SYCP2: variants seen among roughly 807,000 people sequenced by gnomAD.
SYCP2 encodes the protein synaptonemal complex protein 2, also known as synaptonemal complex lateral element protein.
Under a neutral mutation model 211.3 loss-of-function variants are expected in SYCP2, and 55 were observed. The observed-to-expected ratio is 0.26, with a 90% CI of 0.21 to 0.33. SYCP2 has a LOEUF of 0.33. Ranked by LOEUF, SYCP2 falls within the 10% of genes least tolerant of loss-of-function variation. The probability of loss-of-function intolerance (pLI) is 1.00; values close to 1 mark genes in which losing one functional copy is unlikely to be tolerated. For synonymous variants in SYCP2, 570 were observed against 555.2 expected (o/e 1.03, Z -0.37); for missense variants, 1,731 against 1,752.0 (o/e 0.99, Z 0.21).
chr20:59,917,522 C>T (rs1181383290), intron 7 of SYCP2, among the ~76,000 whole-genome samples: 1 of 152,146 alleles, frequency 6.6e-6, no homozygotes, highest in Admixed American at 6.5e-5. Flanking sequence ...GATCACTTTA[C>T]AATTGCTGGT....
intron 30 of SYCP2, among the ~76,000 whole-genome samples, 190 bp from the exon 31 acceptor site, chr20:59,880,661 C>A (rs545292228): frequency 6.6e-6 from 1 of 151,582 alleles, no homozygotes; most frequent in South Asian, 2.1e-4. Context: ...CTTGGAAAAC[C>A]AGATCAGATA....
At chr20:59,899,973 A>T (rs2060083880) in intron 18 of SYCP2, 165 bp downstream of exon 18, 1 of 730,764 alleles carries the variant, frequency 1.4e-6, no homozygotes, top group Non-Finnish European at 2.3e-6. Context: ...GCTAAGACAC[A>T]CACTATCTTT....
intron 28 of SYCP2, 29 bp from the exon 29 acceptor site, chr20:59,881,521 G>A (rs757290672): frequency 1.8e-6 from 2 of 1,130,654 alleles, no homozygotes; most frequent in Non-Finnish European, 2.5e-6. Flanking sequence ...AAAAAAAAGA[G>A]GTGTCAGTGT....
chr20:59,880,315 T>G lies in SYCP2; in HGVS notation c.2929A>C (p.Ser977Arg). Reference sequence around the variant, plus strand: ...GATAATTTCTTACTTGATTTTCCACTTTTATGATTCTTCACATTTTTATTT... The same window carrying G: ...GATAATTTCTTACTTGATTTTCCACGTTTATGATTCTTCACATTTTTATTT... Reference protein sequence around the residue: ...SRNKNVKNHKSGKSRSSLEKG... With the variant: ...SRNKNVKNHKRGKSRSSLEKG... Residue 977 changes from serine to arginine, a missense_variant, in exon 31 of 45, where the codon AGT becomes CGT. Around this residue, in one of 3 missense-constraint regions of SYCP2, gnomAD observed 1,387 missense variants for 1,351.3 expected, o/e 1.03. Coordinates refer to ENST00000357552, the MANE Select transcript of SYCP2 (RefSeq NM_014258.4). The G allele has an allele frequency of 1.9e-6, 3 of 1,582,792 alleles. No homozygotes were observed. The highest frequency in any genetic ancestry group is 2.6e-6 in the Non-Finnish European group (3 of 1,162,678).
In SYCP2 at chr20:59,866,675, G is replaced by A. The variant is rs143035060; in HGVS notation, c.4126-86C>T. 120 of 879,908 alleles carry A rather than the reference G, an allele frequency of 1.4e-4. No individual in the cohort carries two copies. In the Middle Eastern group the frequency reaches 1.7e-3, roughly 13 times the overall value. The allele number at this position is 879,908 out of a possible 1,614,324, so 54.5% of individuals were successfully genotyped here. A position where few individuals can be genotyped will look rare whatever the true frequency, so the allele number is the denominator to read the frequency against. ...ACAGTAACAGCAAATAATTTTCCAC[G>A]AAATGTAAATTACTAAGAAGAACTT... On this transcript the variant is annotated intron_variant, in intron 39 of 44. Transcript: ENST00000357552.
intron 14 of SYCP2, among the ~76,000 whole-genome samples, chr20:59,909,222 C>T (rs2060270850): frequency 6.6e-6 from 1 of 152,112 alleles, no homozygotes; most frequent in Non-Finnish European, 1.5e-5. Context: ...TCATTAAAAC[C>T]CATGGTTCTG....
In SYCP2 at chr20:59,919,559, C is replaced by T. The variant is rs958139813; in HGVS notation, c.336G>A (p.Gln112=). The part of the protein sequence containing the change: ...AWFEKSKDII[Q]SQGNSKDEAV... ...CTTCATCTTTTGAATTTCCTTGACT[C>T]TGAATAATGTCCTTGGATTTTTCAA... Residue 112 remains glutamine, a synonymous_variant, in exon 6 of 45, where the codon CAG becomes CAA. Coordinates refer to ENST00000357552, the MANE Select transcript of SYCP2 (RefSeq NM_014258.4). 3.1e-6 allele frequency: 5 copies of T among 1,609,984 alleles called. No homozygotes were observed. In the African/African-American group the frequency reaches 6.7e-5, roughly 22 times the overall value.
chr20:59,878,262 G>T (rs60638165), intron 31 of SYCP2, among the ~76,000 whole-genome samples: 5,188 of 152,168 alleles, frequency 0.034, 257 homozygotes, highest in African/African-American at 0.11. Context: ...TTCTGCTGAA[G>T]AATCTGGCCT....
At chr20:59,893,048 T>G in intron 22 of SYCP2, 94 bp downstream of exon 22, 1 of 861,388 alleles carries the variant, frequency 1.2e-6, no homozygotes, top group Non-Finnish European at 1.8e-6. Flanking sequence ...ATACTAATTC[T>G]AATCATATAC....
chr20:59,868,523 T>C lies in SYCP2; in HGVS notation c.3878A>G (p.Asn1293Ser), dbSNP rs752124232. The change falls in exon 38 of 45, where the codon AAT becomes AGT. Residue 1293 changes from asparagine to serine, a missense_variant. Asn to Ser is a conservative substitution (Grantham distance 46). Around this residue, in one of 3 missense-constraint regions of SYCP2, gnomAD observed 1,387 missense variants for 1,351.3 expected, o/e 1.03. Transcript: ENST00000357552. ...TTCTACTTCATTGGAATTACTTAGATTATCTTCTATATATATTCTTTTGCG... is the reference window on the plus strand; with the variant it reads ...TTCTACTTCATTGGAATTACTTAGACTATCTTCTATATATATTCTTTTGCG... ...LSRKRIYIED[N>S]LSNSNEVEME... 8.7e-6 allele frequency: 14 copies of C among 1,610,794 alleles called. No homozygotes were observed. Among genetic ancestry groups the C allele is most frequent in the Non-Finnish European group, 1.1e-5 (13 of 1,178,236 alleles).
intron 2 of SYCP2, among the ~76,000 whole-genome samples, chr20:59,927,510 C>G (rs146240332): frequency 6.6e-6 from 1 of 151,996 alleles, no homozygotes; most frequent in Non-Finnish European, 1.5e-5. Flanking sequence ...GAATCTTCTT[C>G]CAGGGTCAAC....
intron 2 of SYCP2, among the ~76,000 whole-genome samples, chr20:59,926,141 T>A (rs955334917): frequency 5.9e-5 from 9 of 152,048 alleles, no homozygotes; most frequent in African/African-American, 2.2e-4. Flanking sequence ...ATAAATCCAA[T>A]AAATTCCATA....
chr20:59,894,199 T>C (rs1035300598), intron 20 of SYCP2, among the ~76,000 whole-genome samples: 1 of 152,046 alleles, frequency 6.6e-6, no homozygotes, highest in Non-Finnish European at 1.5e-5. Flanking sequence ...TGCCTCATCC[T>C]GGCTGCCTTT....
intron 13 of SYCP2, 181 bp downstream of exon 13, chr20:59,912,192 T>C (rs1418912450): frequency 6.8e-6 from 3 of 442,650 alleles, no homozygotes; most frequent in Admixed American, 9.0e-5. Context: ...TTCTTGGCAA[T>C]GAATATGCTG....
rs903361822 is a variant in SYCP2 at position 59,898,186 on chromosome 20, A to T, written c.1405-1658T>A. ...GATTCCTCAAGGATCTAGAACCAGA[A>T]ATACCATTTGACTCAGCAAATCCCA... is the stretch of plus-strand genomic sequence containing the variant. On this transcript the variant is annotated intron_variant, in intron 18 of 44. Coordinates refer to ENST00000357552, the MANE Select transcript of SYCP2 (RefSeq NM_014258.4). Among the ~76,000 whole-genome samples the T allele has an allele frequency of 4.6e-5, 7 of 152,322 alleles. No individual in the cohort carries two copies. In the East Asian group the frequency reaches 9.6e-4, roughly 21 times the overall value.
intron 6 of SYCP2, 83 bp from the exon 7 acceptor site, chr20:59,919,265 A>T: frequency 1.3e-6 from 1 of 763,724 alleles, no homozygotes; most frequent in Non-Finnish European, 2.2e-6. Flanking sequence ...TACAAATGGT[A>T]TTGAAATGAC....
intron 26 of SYCP2, among the ~76,000 whole-genome samples, chr20:59,885,469 G>A (rs778611190): frequency 6.6e-6 from 1 of 152,112 alleles, no homozygotes; most frequent in Non-Finnish European, 1.5e-5. Context: ...TACAGAGGGT[G>A]AACTTCAAAA....
intron 2 of SYCP2, 25 bp from the exon 3 acceptor site, chr20:59,922,484 T>C: frequency 8.6e-7 from 1 of 1,158,078 alleles, no homozygotes; most frequent in Non-Finnish European, 1.2e-6. Flanking sequence ...ATATATTTTC[T>C]GTATCTCACA....
intron 34 of SYCP2, among the ~76,000 whole-genome samples, chr20:59,875,000 G>T (rs1010530542): frequency 6.6e-6 from 1 of 151,804 alleles, no homozygotes; most frequent in Admixed American, 6.6e-5. Context: ...ACTTTTTTAA[G>T]ATTAAGTTAT....
Sources: allele counts gnomAD v4.1 joint callset (sites outside exome capture counted in the v4.1 genomes callset), GRCh38; gene constraint gnomAD v4.1.1; regional missense constraint gnomAD v4.1.1; transcripts MANE v1.5; gene names NCBI Gene and HGNC (gene_info 2026-07-23, HGNC 2026-07-21).